Variants in ETS1 observed in about 807,000 individuals in gnomAD.
ETS1 encodes protein C-ets-1.
ETS1 carries 15 observed loss-of-function variants against 58.6 expected under a neutral mutation model. The ratio of observed to expected loss-of-function variants is 0.26; its 90% CI spans 0.17 to 0.39. The LOEUF (loss-of-function observed/expected upper bound fraction) is 0.39. Ranked by LOEUF, ETS1 falls within the 10% of genes least tolerant of loss-of-function variation. The pLI is 1.00. For missense variants in ETS1, 417 were observed against 610.5 expected, an observed-to-expected ratio of 0.68 and a Z score of 3.34; for synonymous variants, 214 against 218.2, an observed-to-expected ratio of 0.98 and a Z score of 0.17.
intron 1 of ETS1, 79 bp from the exon 2 acceptor site, chr11:128,573,223 CT>C: frequency 9.7e-7 from 1 of 1,031,814 alleles, no homozygotes; most frequent in Non-Finnish European, 1.5e-6. Flanking sequence ...AGACACGAAC[CT>C]TAGAACTAAA....
intron 2 of ETS1, among the ~76,000 whole-genome samples, chr11:128,558,413 G>C (rs759689571): frequency 1.3e-5 from 2 of 152,216 alleles, no homozygotes; most frequent in Non-Finnish European, 2.9e-5. Context: ...GGGAGGCCGA[G>C]GAGGGTGAAT....
At chr11:128,559,920 A>G (rs1864377665) in intron 2 of ETS1, among the ~76,000 whole-genome samples, 1 of 152,182 alleles carries the variant, frequency 6.6e-6, no homozygotes. Flanking sequence ...CTTCATTGGC[A>G]TCTTCCTTTC....
At position 128,463,066 on chromosome 11, in the gene ETS1, T is replaced by A. The variant is rs1861945354; in HGVS notation, c.1242+443A>T. On this transcript the variant is annotated intron_variant, in intron 9 of 9. Transcript: ENST00000392668. This position sits in a 1 kb window ranked among gnomAD's most constrained non-coding sequence, Gnocchi z 4.1. ...CAGAACAAAGATGTTGTCTCTCCTG[T>A]TCATTGTTTTTTATCCTCAGAATTG... 1.3e-5 allele frequency among the ~76,000 whole-genome samples: 2 copies of A among 152,150 alleles called. No homozygotes were observed. The highest frequency in any genetic ancestry group is 2.9e-5 in the Non-Finnish European group (2 of 68,028).
At chr11:128,501,277 G>A (rs1863083336) in intron 3 of ETS1, among the ~76,000 whole-genome samples, 1 of 152,070 alleles carries the variant, frequency 6.6e-6, no homozygotes, top group Non-Finnish European at 1.5e-5. Flanking sequence ...AGTTAAATGG[G>A]AACAATGAGA....
rs1231637022 is a variant in ETS1, at chr11:128,585,162, A to AAG, written c.-15+2324_-15+2325dup. 1.4e-4 allele frequency among the ~76,000 whole-genome samples: 7 copies of AAG among 50,658 alleles called. 1 individual carries two copies. Among genetic ancestry groups the AAG allele is most frequent in the South Asian group, 9.8e-4 (2 of 2,036 alleles). The allele number at this position is 50,658 out of a possible 152,430, so 33.2% of individuals were successfully genotyped here. On this transcript the variant is annotated intron_variant, in intron 1 of 9. Transcript: ENST00000392668. ...AAAGAAAGAAAGAAAGAAAGAAAGA[A>AAG]AGAAAGAGAAAGAAAGAAAGAAAGA...
intron 3 of ETS1, among the ~76,000 whole-genome samples, chr11:128,548,816 G>A (rs374079265): frequency 6.6e-6 from 1 of 152,236 alleles, no homozygotes; most frequent in Admixed American, 6.5e-5. Context: ...TAACCCTCCC[G>A]CCCTGCGGAG....
intron 3 of ETS1, among the ~76,000 whole-genome samples, chr11:128,503,873 A>C (rs1406691178): frequency 1.3e-5 from 2 of 152,196 alleles, no homozygotes; most frequent in Non-Finnish European, 2.9e-5. Flanking sequence ...GTTGGTAAGC[A>C]CATGAGATGG....
chr11:128,512,995 C>T (rs539639314), intron 3 of ETS1, among the ~76,000 whole-genome samples: 7 of 152,350 alleles, frequency 4.6e-5, no homozygotes, highest in Admixed American at 2.0e-4. Context: ...ACTGCAGCAA[C>T]GGCTCATGGA....
intron 3 of ETS1, among the ~76,000 whole-genome samples, chr11:128,542,898 C>T (rs1012739559): frequency 3.3e-5 from 5 of 152,120 alleles, no homozygotes; most frequent in African/African-American, 7.2e-5. Context: ...TTAGGCCCAG[C>T]GTGGTGGCTC....
In ETS1 at chr11:128,583,303, G is replaced by A. The variant is rs918765642; in HGVS notation, c.-15+4185C>T. 4.6e-5 allele frequency among the ~76,000 whole-genome samples: 7 copies of A among 152,310 alleles called. No individual in the cohort carries two copies. In the East Asian group the frequency reaches 5.8e-4, roughly 13 times the overall value. On this transcript the variant is annotated intron_variant, in intron 1 of 9. Transcript: ENST00000392668. ...GTAACCTCAGGTGCAATACAAACCCGGCTGGGGAGAATTGAGTAGCTCAGG... is the reference window on the plus strand; with the variant it reads ...GTAACCTCAGGTGCAATACAAACCCAGCTGGGGAGAATTGAGTAGCTCAGG...
At chr11:128,466,622 C>T (rs558066754) in intron 8 of ETS1, among the ~76,000 whole-genome samples, 20 of 152,236 alleles carry the variant, frequency 1.3e-4, no homozygotes, top group Non-Finnish European at 2.5e-4. Flanking sequence ...TGTCAGCATA[C>T]GGGACCCGGT....
At chr11:128,531,424 G>C (rs545704178) in intron 3 of ETS1, among the ~76,000 whole-genome samples, 1 of 152,198 alleles carries the variant, frequency 6.6e-6, no homozygotes, top group African/African-American at 2.4e-5. Context: ...TTCGGATTTA[G>C]TGAGCATAAA....
At chr11:128,572,993 T>C in intron 2 of ETS1, 69 bp downstream of exon 2, 1 of 1,278,334 alleles carries the variant, frequency 7.8e-7, no homozygotes, top group Non-Finnish European at 1.1e-6. Flanking sequence ...GGGGTCAGGA[T>C]ACAGGAAGCA....
intron 3 of ETS1, among the ~76,000 whole-genome samples, chr11:128,524,637 A>G (rs569054268): frequency 6.6e-6 from 1 of 152,244 alleles, no homozygotes; most frequent in Non-Finnish European, 1.5e-5. Context: ...ACACAAGTAG[A>G]TTTTTCTAAA....
At chr11:128,492,161 T>C (rs1401109476) in intron 3 of ETS1, among the ~76,000 whole-genome samples, 1 of 152,218 alleles carries the variant, frequency 6.6e-6, no homozygotes, top group African/African-American at 2.4e-5. Flanking sequence ...ATAAAATGAC[T>C]AAGTTCCAGG....
chr11:128,484,931 C>A lies in ETS1; in HGVS notation c.754G>T (p.Val252Phe), dbSNP rs758646926. 5 of 1,613,972 alleles carry A rather than the reference C, an allele frequency of 3.1e-6. No individual in the cohort carries two copies. The highest frequency in any genetic ancestry group is 4.2e-6 in the Non-Finnish European group (5 of 1,179,956). Reference protein sequence around the residue: ...SLKYENDYPSVILRDPLQTDT... With the variant: ...SLKYENDYPSFILRDPLQTDT... ...GTCTGGAGAGGGTCTCGGAGAATGA[C>A]CGAGGGGTAGTCATTCTCATACTTG... The change falls in exon 7 of 10, where the codon GTC becomes TTC. Residue 252 changes from valine (V) to phenylalanine (F), a missense_variant. Val to Phe is a conservative substitution (Grantham distance 50). Around this residue, in one of 4 missense-constraint regions of ETS1, gnomAD observed 139 missense variants for 152.1 expected, o/e 0.91. Transcript: ENST00000392668.
chr11:128,584,910 AAAAG>A (rs1253543347), intron 1 of ETS1, among the ~76,000 whole-genome samples: 6 of 146,730 alleles, frequency 4.1e-5, no homozygotes, highest in Non-Finnish European at 7.5e-5. Flanking sequence ...GAGGGGAGAG[AAAAG>A]AAAGAAAGAG....
At chr11:128,548,298 G>T (rs1368461971) in intron 3 of ETS1, among the ~76,000 whole-genome samples, 1 of 151,884 alleles carries the variant, frequency 6.6e-6, no homozygotes, top group Non-Finnish European at 1.5e-5. Flanking sequence ...TCCACGCCAT[G>T]CCTGGTGCTT....
intron 3 of ETS1, among the ~76,000 whole-genome samples, chr11:128,544,157 G>A (rs1864095559): frequency 1.3e-5 from 2 of 151,816 alleles, no homozygotes; most frequent in South Asian, 4.2e-4. Flanking sequence ...TCCAAATTAT[G>A]GAAACTGCCC....
Sources: gnomAD v4.1 joint callset for allele counts (sites outside exome capture counted in the v4.1 genomes callset) on GRCh38, gnomAD v4.1.1 for gene constraint, gnomAD v4.1.1 regional missense constraint, Gnocchi (gnomAD v3.1) non-coding constraint, MANE v1.5 for transcripts, NCBI Gene and HGNC (gene_info 2026-07-23, HGNC 2026-07-21) for gene names.